Variants in PTPRN2 observed in about 807,000 individuals in gnomAD.
The protein encoded by PTPRN2 is protein tyrosine phosphatase receptor type N2, also known as receptor-type tyrosine-protein phosphatase N2.
In PTPRN2, 74 loss-of-function variants were observed where a neutral mutation model predicts 118.8. The ratio of observed to expected loss-of-function variants is 0.62; its 90% CI spans 0.52 to 0.76. PTPRN2 has a LOEUF of 0.76. PTPRN2 is among the 30% of genes least tolerant of loss of function. The pLI is 0.00. For missense variants in PTPRN2, 1,481 were observed against 1,394.4 expected, an observed-to-expected ratio of 1.06 and a Z score of -0.99; for synonymous variants, 641 against 608.0, an observed-to-expected ratio of 1.05 and a Z score of -0.80.
rs1173358694 is a variant in PTPRN2, at chr7:157,787,022, A to G, written c.1789-104085T>C. On this transcript the variant is annotated intron_variant, in intron 12 of 22. Transcript: ENST00000389418. The surrounding 1 kb of genome is among the most constrained non-coding windows in gnomAD (Gnocchi z 5.3). Reference sequence around the variant, plus strand: ...AGCTTGAGGGGCAGGAGGCGGACACAGGTGCGGCGGGGGACGCGGGGGTGG... The same window carrying G: ...AGCTTGAGGGGCAGGAGGCGGACACGGGTGCGGCGGGGGACGCGGGGGTGG... 1.5e-4 allele frequency among the ~76,000 whole-genome samples: 22 copies of G among 143,604 alleles called. No homozygotes were observed. The highest frequency in any genetic ancestry group is 4.6e-4 in the South Asian group (2 of 4,374). 94.2% of individuals were successfully genotyped at this position (143,604 alleles called of 152,430 possible). A position where few individuals can be genotyped will look rare whatever the true frequency, so the allele number is the denominator to read the frequency against.
intron 11 of PTPRN2, among the ~76,000 whole-genome samples, chr7:157,993,307 A>G (rs1294549694): frequency 1.3e-5 from 2 of 151,652 alleles, no homozygotes; most frequent in African/African-American, 4.9e-5. Flanking sequence ...ATTTTTTCCT[A>G]GGTTGTATGA....
At chr7:158,151,114 A>G (rs62480235) in intron 6 of PTPRN2, among the ~76,000 whole-genome samples, 14,519 of 22,176 alleles carry the variant, frequency 0.65, 5,369 homozygotes, top group Middle Eastern at 0.74. Context: ...TTCTGCTCCT[A>G]CCCCTGCCCA....
intron 3 of PTPRN2, among the ~76,000 whole-genome samples, chr7:158,249,251 GCATGCACACGCATCACACA>G (rs1796494707): frequency 6.8e-6 from 1 of 147,784 alleles, no homozygotes; most frequent in Non-Finnish European, 1.5e-5. Context: ...CACACATCCT[GCATGCACACGCATCACACA>G]CATGCACACC....
At chr7:157,920,745 A>C (rs1230152196) in intron 11 of PTPRN2, among the ~76,000 whole-genome samples, 1 of 152,214 alleles carries the variant, frequency 6.6e-6, no homozygotes, top group East Asian at 1.9e-4. Flanking sequence ...GAATCCAGAC[A>C]TCAACCCTAT....
chr7:157,832,221 C>T (rs1037502190), intron 12 of PTPRN2, among the ~76,000 whole-genome samples: 1 of 152,188 alleles, frequency 6.6e-6, no homozygotes, highest in African/African-American at 2.4e-5. Context: ...AGGCTCGATG[C>T]TGCATCTCAG....
Position 157,964,016 on chromosome 7 carries a change from T to C in PTPRN2, c.1724-65279A>G, listed in dbSNP as rs916063180. On this transcript the variant is annotated intron_variant, in intron 11 of 22. Transcript: ENST00000389418. The surrounding 1 kb of genome is among the most constrained non-coding windows in gnomAD (Gnocchi z 9.0). ...AGTCCTAATTACATGTTATTTGCCC[T>C]GTTCAAGTTCAAGCAGTATTTTTTT... 2.0e-5 allele frequency among the ~76,000 whole-genome samples: 3 copies of C among 152,218 alleles called. No homozygotes were observed. The highest frequency in any genetic ancestry group is 7.2e-5 in the African/African-American group (3 of 41,454).
intron 2 of PTPRN2, among the ~76,000 whole-genome samples, chr7:158,400,090 T>C (rs1812819039): frequency 1.3e-5 from 2 of 152,216 alleles, no homozygotes; most frequent in South Asian, 2.1e-4. Flanking sequence ...GCTTTTCTCA[T>C]GTAACAGATG....
chr7:158,177,256 T>A (rs1367190781), intron 5 of PTPRN2, among the ~76,000 whole-genome samples: 1 of 151,644 alleles, frequency 6.6e-6, no homozygotes, highest in Non-Finnish European at 1.5e-5. Context: ...GTTTTATGGA[T>A]TTTTTTTTAA....
rs377489680 is a variant in PTPRN2 at position 158,545,876 on chromosome 7, G to A, written c.112+41682C>T. Among the ~76,000 whole-genome samples, 7 of 152,280 alleles carry A rather than the reference G, an allele frequency of 4.6e-5. No individual in the cohort carries two copies. In the East Asian group the frequency reaches 1.2e-3, roughly 25 times the overall value. On this transcript the variant is annotated intron_variant, in intron 1 of 22. Coordinates refer to ENST00000389418, the MANE Select transcript of PTPRN2 (RefSeq NM_002847.5). Reference sequence around the variant, plus strand: ...TAGCTGGGTGCGGTGGCACGCGCCTGTAGTCCCAGCTACTCAGGAGGCTGA... The same window carrying A: ...TAGCTGGGTGCGGTGGCACGCGCCTATAGTCCCAGCTACTCAGGAGGCTGA...
chr7:158,325,856 T>C (rs1333271808), intron 2 of PTPRN2, among the ~76,000 whole-genome samples: 1 of 152,238 alleles, frequency 6.6e-6, no homozygotes, highest in Non-Finnish European at 1.5e-5. Flanking sequence ...GAATACTGTC[T>C]ACAGTAAACA....
At chr7:158,331,112 C>A (rs1249489574) in intron 2 of PTPRN2, among the ~76,000 whole-genome samples, 1 of 147,338 alleles carries the variant, frequency 6.8e-6, no homozygotes, top group African/African-American at 2.5e-5. Flanking sequence ...GTCACTCACA[C>A]CCACACTCTC....
At chr7:158,146,555 A>G (rs1383241049) in intron 6 of PTPRN2, among the ~76,000 whole-genome samples, 2 of 151,750 alleles carry the variant, frequency 1.3e-5, no homozygotes, top group African/African-American at 2.4e-5. Flanking sequence ...CCCCATCTCT[A>G]CTAAAAATAC....
chr7:157,730,924 T>A (rs977901870), intron 12 of PTPRN2, among the ~76,000 whole-genome samples: 17 of 152,154 alleles, frequency 1.1e-4, no homozygotes, highest in African/African-American at 3.6e-4. Context: ...GCACTAGGAC[T>A]TTCCCCTTCT....
At position 157,987,310 on chromosome 7, in the gene PTPRN2, C is replaced by T. The variant is rs912315950; in HGVS notation, c.1724-88573G>A. ...CAAGATGACCGGTCACTAAAGGGGG[C>T]GAGGTTACCAGTCACTAAAGGGAAA... On this transcript the variant is annotated intron_variant, in intron 11 of 22. Coordinates refer to ENST00000389418, the MANE Select transcript of PTPRN2 (RefSeq NM_002847.5). This position sits in a 1 kb window ranked among gnomAD's most constrained non-coding sequence, Gnocchi z 4.3. 2.8e-5 allele frequency among the ~76,000 whole-genome samples: 4 copies of T among 142,368 alleles called. No homozygotes were observed. Among genetic ancestry groups the T allele is most frequent in the South Asian group, 2.2e-4 (1 of 4,504 alleles). 93.4% of individuals were successfully genotyped at this position (142,368 alleles called of 152,430 possible). A position where few individuals can be genotyped will look rare whatever the true frequency, so the allele number is the denominator to read the frequency against.
intron 10 of PTPRN2, among the ~76,000 whole-genome samples, chr7:158,083,790 C>T (rs1020551280): frequency 2.0e-5 from 3 of 152,272 alleles, no homozygotes; most frequent in East Asian, 1.9e-4. Flanking sequence ...CAGGTGCCTG[C>T]GGTCACGGTG....
intron 12 of PTPRN2, among the ~76,000 whole-genome samples, chr7:157,696,195 C>T (rs1797765316): frequency 1.4e-5 from 2 of 146,174 alleles, no homozygotes; most frequent in South Asian, 4.6e-4. Flanking sequence ...CACCATCTAC[C>T]CATGCACACT....
chr7:158,181,907 A>C (rs1824742038), intron 5 of PTPRN2, among the ~76,000 whole-genome samples: 1 of 148,092 alleles, frequency 6.8e-6, no homozygotes, highest in Admixed American at 7.0e-5. Flanking sequence ...CTTTCCTTCA[A>C]ATTGATTTAG....
chr7:158,037,872 G>A (rs149156812), intron 11 of PTPRN2, among the ~76,000 whole-genome samples: 3 of 152,352 alleles, frequency 2.0e-5, no homozygotes, highest in East Asian at 3.9e-4. Flanking sequence ...TTGTCAGAAC[G>A]ATTGAGACAC....
intron 12 of PTPRN2, among the ~76,000 whole-genome samples, chr7:157,829,685 C>T (rs376573945): frequency 4.6e-5 from 7 of 152,238 alleles, no homozygotes; most frequent in African/African-American, 1.7e-4. Flanking sequence ...ACCGTGCACC[C>T]ACCTGCTGAG....
Sources: gnomAD v4.1 joint callset for allele counts (sites outside exome capture counted in the v4.1 genomes callset) on GRCh38, gnomAD v4.1.1 for gene constraint, Gnocchi (gnomAD v3.1) non-coding constraint, MANE v1.5 for transcripts, NCBI Gene and HGNC (gene_info 2026-07-23, HGNC 2026-07-21) for gene names.